Variants in FER1L6 observed in about 807,000 individuals in gnomAD.
The protein encoded by FER1L6 is fer-1 like family member 6.
Under a neutral mutation model 219.2 loss-of-function variants are expected in FER1L6, and 177 were observed. The ratio of observed to expected loss-of-function variants is 0.81; its 90% CI spans 0.71 to 0.91. The LOEUF (loss-of-function observed/expected upper bound fraction) is 0.91. FER1L6 is among the 40% of genes least tolerant of loss of function. The pLI is 0.00. For synonymous variants in FER1L6, 768 were observed against 824.3 expected (o/e 0.93, Z 1.17); for missense variants, 2,153 against 2,259.9 (o/e 0.95, Z 0.96).
intron 6 of FER1L6, among the ~76,000 whole-genome samples, chr8:123,971,403 C>G (rs1457956529): frequency 6.6e-6 from 1 of 152,168 alleles, no homozygotes; most frequent in African/African-American, 2.4e-5. Context: ...TGTTCCATTG[C>G]TCAGGCAACC....
chr8:124,100,049 T>C (rs937510399), intron 37 of FER1L6, among the ~76,000 whole-genome samples: 2 of 152,126 alleles, frequency 1.3e-5, no homozygotes, highest in African/African-American at 2.4e-5. Context: ...CACAAATGTA[T>C]TGGTTGAGTG....
chr8:124,062,173 G>A, intron 25 of FER1L6, 141 bp downstream of exon 25: 1 of 811,434 alleles, frequency 1.2e-6, no homozygotes, highest in Non-Finnish European at 1.9e-6. Context: ...GCTCCTGCAG[G>A]GGCCTCTGCT....
chr8:124,116,395 A>G (rs1823247016), intron 39 of FER1L6, among the ~76,000 whole-genome samples: 1 of 152,152 alleles, frequency 6.6e-6, no homozygotes, highest in East Asian at 1.9e-4. Flanking sequence ...GCGATAGCCA[A>G]AAAGGGCATG....
Position 124,081,605 on chromosome 8 carries a change from C to CAAA in FER1L6, c.4221-665_4221-663dup, listed in dbSNP as rs1243602409. Among the ~76,000 whole-genome samples the CAAA allele has an allele frequency of 5.3e-4, 28 of 52,974 alleles. 1 individual carries two copies. Among genetic ancestry groups the CAAA allele is most frequent in the African/African-American group, 1.4e-3 (22 of 16,062 alleles). 34.8% of individuals were successfully genotyped at this position (52,974 alleles called of 152,430 possible). A position where few individuals can be genotyped will look rare whatever the true frequency, so the allele number is the denominator to read the frequency against. The stretch of plus-strand genomic sequence containing the variant: ...GTGCAGGCTCCAGCAATGCAGAGAC[C>CAAA]AAAAAAAAAAAAAAAAAAAAGGGCA... On this transcript the variant is annotated intron_variant, in intron 32 of 40. Coordinates refer to ENST00000522917, the MANE Select transcript of FER1L6 (RefSeq NM_001039112.2).
chr8:124,023,375 G>C, intron 17 of FER1L6, 69 bp from the exon 18 acceptor site: 1 of 1,473,170 alleles, frequency 6.8e-7, no homozygotes, highest in Admixed American at 1.8e-5. Context: ...AACTCTGCAA[G>C]TGCCTTTGTT....
chr8:123,911,778 C>T (rs1474464750), intron 1 of FER1L6, among the ~76,000 whole-genome samples: 2 of 152,182 alleles, frequency 1.3e-5, no homozygotes, highest in Admixed American at 6.5e-5. Context: ...AGACTCAAGG[C>T]TCCCGACTCA....
intron 1 of FER1L6, among the ~76,000 whole-genome samples, chr8:123,937,161 C>G (rs963135427): frequency 3.3e-5 from 5 of 152,204 alleles, no homozygotes; most frequent in South Asian, 2.1e-4. Context: ...TCCACCTCGC[C>G]CTCCCAGAGT....
rs1429110092 is a variant in FER1L6 at position 124,039,877 on chromosome 8, C to T, written c.2465-5C>T. 6.2e-7 allele frequency: 1 copy of T among 1,614,068 alleles called. No individual in the cohort carries two copies. The highest frequency in any genetic ancestry group is 1.1e-5 in the South Asian group (1 of 91,082). On this transcript the variant is annotated splice_region_variant and splice_polypyrimidine_tract_variant and intron_variant, in intron 19 of 40. Coordinates refer to ENST00000522917, the MANE Select transcript of FER1L6 (RefSeq NM_001039112.2). ...CACCTGCCCCCTTCCATGATTTGTC[C>T]ACAGAACAGCATGTTTTTCAGCTGA...
At chr8:124,091,967 TAA>T (rs10591429) in intron 34 of FER1L6, among the ~76,000 whole-genome samples, 1,912 of 133,462 alleles carry the variant, frequency 0.014, 28 homozygotes, top group African/African-American at 0.037. Flanking sequence ...ACTCAAGTCT[TAA>T]AAAAAAAAAA....
intron 22 of FER1L6, among the ~76,000 whole-genome samples, chr8:124,056,290 C>T (rs879262375): frequency 1.3e-5 from 2 of 152,216 alleles, no homozygotes; most frequent in Non-Finnish European, 2.9e-5. Flanking sequence ...CCAAAAGGGG[C>T]CACTGCTATT....
chr8:123,886,425 T>C (rs1164879017), intron 1 of FER1L6, among the ~76,000 whole-genome samples: 2 of 152,192 alleles, frequency 1.3e-5, no homozygotes, highest in Non-Finnish European at 2.9e-5. Flanking sequence ...ATGGAAGTGC[T>C]TCATCTTTGG....
intron 1 of FER1L6, among the ~76,000 whole-genome samples, chr8:123,909,974 A>G (rs538849817): frequency 3.3e-5 from 5 of 152,298 alleles, no homozygotes; most frequent in African/African-American, 1.2e-4. Context: ...ATGACAAACC[A>G]TTTTTAGCTT....
chr8:123,973,767 G>A (rs928582735), intron 7 of FER1L6, among the ~76,000 whole-genome samples: 1 of 152,116 alleles, frequency 6.6e-6, no homozygotes, highest in Non-Finnish European at 1.5e-5. Flanking sequence ...GACAGGAGAG[G>A]CAATGGAATA....
chr8:124,066,352 C>T, intron 26 of FER1L6, 76 bp from the exon 27 acceptor site: 2 of 1,535,500 alleles, frequency 1.3e-6, no homozygotes, highest in Non-Finnish European at 1.8e-6. Flanking sequence ...ATGTTTTCTT[C>T]CTCACAAGCC....
At chr8:124,107,792 CTT>C (rs1822842644) in intron 39 of FER1L6, among the ~76,000 whole-genome samples, 2 of 152,144 alleles carry the variant, frequency 1.3e-5, no homozygotes, top group Non-Finnish European at 2.9e-5. Flanking sequence ...GAAGATCCCT[CTT>C]TGTCTTTGGT....
intron 22 of FER1L6, among the ~76,000 whole-genome samples, chr8:124,050,297 A>G (rs1819950223): frequency 1.3e-5 from 2 of 152,288 alleles, no homozygotes; most frequent in South Asian, 2.1e-4. Context: ...TACACTATAC[A>G]GTTTTGCAAA....
chr8:123,896,547 A>G (rs1383294162), intron 1 of FER1L6, among the ~76,000 whole-genome samples: 1 of 152,180 alleles, frequency 6.6e-6, no homozygotes, highest in African/African-American at 2.4e-5. Flanking sequence ...GTGATTTGCA[A>G]CTTTTCTTTT....
At chr8:123,890,028 T>C (rs1315798911) in intron 1 of FER1L6, among the ~76,000 whole-genome samples, 1 of 152,132 alleles carries the variant, frequency 6.6e-6, no homozygotes, top group Middle Eastern at 3.2e-3. Context: ...TTAACATTGC[T>C]CATAGTTAAA....
intron 31 of FER1L6, among the ~76,000 whole-genome samples, chr8:124,074,689 A>G (rs28647409): frequency 2.8e-4 from 42 of 152,034 alleles, no homozygotes; most frequent in African/African-American, 1.0e-3. Context: ...ATATAGTCAT[A>G]TATCTTTTAA....
Sources: allele counts gnomAD v4.1 joint callset (sites outside exome capture counted in the v4.1 genomes callset), GRCh38; gene constraint gnomAD v4.1.1; transcripts MANE v1.5; gene names NCBI Gene and HGNC (gene_info 2026-07-23, HGNC 2026-07-21).